The following CAST variants were observed in gnomAD, a reference collection of about 807,000 sequenced individuals.
CAST encodes MIR583 host.
Under a neutral mutation model 119.6 loss-of-function variants are expected in CAST, and 76 were observed. The ratio of observed to expected loss-of-function variants is 0.64; its 90% CI spans 0.53 to 0.77. CAST has a LOEUF of 0.77. Among genes scored for constraint, CAST ranks in the 30% least tolerant of loss-of-function variants. The pLI is 0.00. For missense variants in CAST, 953 were observed against 946.5 expected, an observed-to-expected ratio of 1.01 and a Z score of -0.09; for synonymous variants, 319 against 331.6, an observed-to-expected ratio of 0.96 and a Z score of 0.41.
the CAST span, among the ~76,000 whole-genome samples, chr5:96,317,375 G>A: frequency 6.6e-6 from 1 of 150,534 alleles, no homozygotes; most frequent in African/African-American, 2.4e-5. Context: ...TACTAGGGAG[G>A]CTGAGGCAGG....
At chr5:96,480,463 A>G in the CAST span, among the ~76,000 whole-genome samples, 6 of 152,202 alleles carry the variant, frequency 3.9e-5, no homozygotes, top group African/African-American at 7.2e-5. Flanking sequence ...TGAAGTAGAT[A>G]TGTCTTGTAG....
At chr5:96,137,330 C>T in the CAST span, among the ~76,000 whole-genome samples, 5 of 152,104 alleles carry the variant, frequency 3.3e-5, no homozygotes, top group African/African-American at 1.2e-4. Flanking sequence ...CATGTCTTTT[C>T]ATGGGTTTAT....
At chr5:96,671,222 A>G (rs1750026353) in intron 1 of CAST, among the ~76,000 whole-genome samples, 1 of 151,978 alleles carries the variant, frequency 6.6e-6, no homozygotes, top group Non-Finnish European at 1.5e-5. Context: ...CCTGTCTTCT[A>G]TGGCCTTGTC....
chr5:96,644,416 C>T (rs868639451), intron 1 of CAST, among the ~76,000 whole-genome samples: 1 of 152,138 alleles, frequency 6.6e-6, no homozygotes, highest in African/African-American at 2.4e-5. Context: ...TTATCTTTAA[C>T]CTTTAAAAAT....
chr5:96,353,252 A>C, the CAST span, among the ~76,000 whole-genome samples: 3 of 152,344 alleles, frequency 2.0e-5, no homozygotes, highest in South Asian at 6.2e-4. Context: ...AGGAAAGTGA[A>C]GAAACAAACC....
chr5:96,448,335 C>T, the CAST span, among the ~76,000 whole-genome samples: 1 of 152,192 alleles, frequency 6.6e-6, no homozygotes, highest in South Asian at 2.1e-4. Flanking sequence ...TAAGTGAAAG[C>T]AAGTGACCAA....
intron 1 of CAST, among the ~76,000 whole-genome samples, chr5:96,670,633 G>A (rs1458907386): frequency 1.3e-5 from 2 of 152,170 alleles, no homozygotes; most frequent in Admixed American, 1.3e-4. Context: ...GAGTAGCTGG[G>A]ACTACAGGTG....
chr5:96,504,449 G>A, the CAST span, among the ~76,000 whole-genome samples: 1 of 152,116 alleles, frequency 6.6e-6, no homozygotes, highest in East Asian at 1.9e-4. Flanking sequence ...CTGTGTTTGA[G>A]CAAATATTAA....
At chr5:96,563,553 T>G (rs914403283) in intron 1 of CAST, among the ~76,000 whole-genome samples, 2 of 152,206 alleles carry the variant, frequency 1.3e-5, no homozygotes, top group Admixed American at 6.5e-5. Flanking sequence ...GGAGGTGAAC[T>G]GTTGACTGGG....
At chr5:96,537,273 A>T (rs1745838421) in intron 1 of CAST, among the ~76,000 whole-genome samples, 1 of 152,214 alleles carries the variant, frequency 6.6e-6, no homozygotes, top group South Asian at 2.1e-4. Context: ...TTTGAACTGG[A>T]TTCTTTACCA....
the CAST span, chr5:96,049,982 G>C: frequency 6.6e-6 from 1 of 150,886 alleles, no homozygotes; most frequent in East Asian, 2.0e-4. Flanking sequence ...AAAGTAGAAG[G>C]AATTATAAGA....
chr5:96,653,957 C>T (rs1187907795), intron 1 of CAST, among the ~76,000 whole-genome samples: 1 of 150,336 alleles, frequency 6.7e-6, no homozygotes, highest in African/African-American at 2.4e-5. Context: ...TTTCCTTTTT[C>T]TTCTTCTTCC....
At chr5:96,748,457 C>T in intron 18 of CAST, 61 bp from the exon 19 acceptor site, 1 of 834,258 alleles carries the variant, frequency 1.2e-6, no homozygotes, top group Non-Finnish European at 1.9e-6. Context: ...TCCATGAAAA[C>T]TTTTTTTTTA....
At chr5:95,992,618 T>G in the CAST span, among the ~76,000 whole-genome samples, 1 of 152,156 alleles carries the variant, frequency 6.6e-6, no homozygotes, top group East Asian at 1.9e-4. Context: ...TATTCTAGAT[T>G]AGATCTTGGA....
the CAST span, among the ~76,000 whole-genome samples, chr5:96,017,738 A>G: frequency 9.9e-5 from 15 of 152,216 alleles, no homozygotes; most frequent in South Asian, 2.1e-4. Context: ...TATATCAGTT[A>G]TAATTAAAAT....
the CAST span, among the ~76,000 whole-genome samples, chr5:96,346,222 G>A: frequency 9.9e-5 from 15 of 152,124 alleles, no homozygotes; most frequent in African/African-American, 3.1e-4. Context: ...TCCAGATTTC[G>A]GGCTTGAGCT....
chr5:96,296,396 A>C, the CAST span, among the ~76,000 whole-genome samples: 62 of 152,332 alleles, frequency 4.1e-4, no homozygotes, highest in Non-Finnish European at 7.8e-4. Flanking sequence ...GGCTAAACCT[A>C]TCCTAGTTTG....
the CAST span, among the ~76,000 whole-genome samples, chr5:96,305,437 C>T: frequency 4.6e-5 from 7 of 152,166 alleles, no homozygotes; most frequent in Non-Finnish European, 7.3e-5. Context: ...TATTTGAATA[C>T]GCTTTATTGC....
chr5:96,388,211 A>C, the CAST span, among the ~76,000 whole-genome samples: 1 of 152,236 alleles, frequency 6.6e-6, no homozygotes, highest in African/African-American at 2.4e-5. Flanking sequence ...TAATGACTTC[A>C]GTCACCTCCT....
Sources: gnomAD v4.1 joint callset for allele counts (sites outside exome capture counted in the v4.1 genomes callset) on GRCh38, gnomAD v4.1.1 for gene constraint, MANE v1.5 for transcripts, NCBI Gene and HGNC (gene_info 2026-07-23, HGNC 2026-07-21) for gene names.